The following TENM1 variants were observed in gnomAD, a reference collection of about 807,000 sequenced individuals.
TENM1 encodes the protein teneurin transmembrane protein 1.
In TENM1, 35 loss-of-function variants were observed where a neutral mutation model predicts 174.8. The observed-to-expected ratio is 0.20, with a 90% CI of 0.15 to 0.27. The LOEUF is 0.27. Among genes scored for constraint, TENM1 ranks in the 10% least tolerant of loss-of-function variants. The pLI is 1.00. For missense variants in TENM1, 1,633 were observed against 2,130.1 expected (o/e 0.77, Z 4.59); for synonymous variants, 781 against 798.7 (o/e 0.98, Z 0.37).
At chrX:124,826,237 C>T (rs2056157542) in intron 3 of TENM1, among the ~76,000 whole-genome samples, 1 of 109,778 alleles carries the variant, frequency 9.1e-6, no homozygotes, top group Admixed American at 9.8e-5. Context: ...TGGAGAAACC[C>T]GTCTCTATTA....
intron 23 of TENM1, among the ~76,000 whole-genome samples, chrX:124,437,253 C>T (rs747677372): frequency 2.8e-5 from 3 of 109,076 alleles, no homozygotes; most frequent in African/African-American, 1.0e-4. Flanking sequence ...CGCCCAGCCT[C>T]TGACTGCATC....
chrX:124,749,209 G>A (rs1446740917), intron 3 of TENM1, among the ~76,000 whole-genome samples: 1 of 111,029 alleles, frequency 9.0e-6, no homozygotes, highest in Non-Finnish European at 1.9e-5. Context: ...ACTCTCTATT[G>A]ATCAGCTTCT....
chrX:124,922,563 T>C (rs1219794053), intron 1 of TENM1, among the ~76,000 whole-genome samples: 1 of 110,817 alleles, frequency 9.0e-6, no homozygotes, highest in Non-Finnish European at 1.9e-5. Flanking sequence ...TCAATATTTC[T>C]TTAAATTCAG....
chrX:124,766,430 G>C (rs933615920), intron 3 of TENM1, among the ~76,000 whole-genome samples: 8 of 111,279 alleles, frequency 7.2e-5, no homozygotes, highest in Non-Finnish European at 1.1e-4. Context: ...TGAAACTTTT[G>C]TTTCAGTTTT....
At chrX:124,387,026 A>T (rs2060227368) in intron 28 of TENM1, among the ~76,000 whole-genome samples, 1 of 107,059 alleles carries the variant, frequency 9.3e-6, no homozygotes, top group Non-Finnish European at 1.9e-5. Context: ...GCATTTCACA[A>T]ATTAATTTAT....
the TENM1 span, among the ~76,000 whole-genome samples, chrX:125,064,177 G>A: frequency 9.3e-6 from 1 of 107,909 alleles, no homozygotes; most frequent in African/African-American, 3.4e-5. Context: ...GGGCAGGGGG[G>A]AGGGATAGCA....
At chrX:125,055,398 T>C in the TENM1 span, among the ~76,000 whole-genome samples, 5 of 111,319 alleles carry the variant, frequency 4.5e-5, no homozygotes, top group Non-Finnish European at 9.4e-5. Context: ...GTGAAGATAC[T>C]TCTTTTCCAG....
At chrX:124,406,398 C>G (rs772169970) in exon 26 of TENM1, 2 of 1,209,029 alleles carry the variant, frequency 1.7e-6, no homozygotes, top group East Asian at 5.9e-5. Flanking sequence ...GTATCTAGCT[C>G]CACTTTTGTC....
chrX:124,560,346 T>C (rs899583969), intron 14 of TENM1, among the ~76,000 whole-genome samples: 3 of 109,620 alleles, frequency 2.7e-5, no homozygotes, highest in Non-Finnish European at 5.7e-5. Context: ...TATCCTTCTG[T>C]CTCAAAGTAG....
chrX:124,525,053 C>T (rs2047943280), intron 16 of TENM1, among the ~76,000 whole-genome samples: 2 of 111,708 alleles, frequency 1.8e-5, no homozygotes, highest in African/African-American at 3.3e-5. Flanking sequence ...GGGAATCAGA[C>T]TTAATTATGG....
intron 11 of TENM1, among the ~76,000 whole-genome samples, chrX:124,635,641 G>T (rs915052379): frequency 1.8e-5 from 2 of 112,121 alleles, no homozygotes; most frequent in East Asian, 2.8e-4. Flanking sequence ...TTCAAAGGAG[G>T]TTTCATCAAG....
At chrX:124,850,005 T>G (rs2056687805) in intron 3 of TENM1, among the ~76,000 whole-genome samples, 1 of 111,915 alleles carries the variant, frequency 8.9e-6, no homozygotes, top group South Asian at 3.7e-4. Flanking sequence ...ACTACTCCTG[T>G]GAAGTGGCCA....
At chrX:124,855,948 A>G (rs2056807458) in intron 3 of TENM1, among the ~76,000 whole-genome samples, 1 of 111,292 alleles carries the variant, frequency 9.0e-6, no homozygotes, top group African/African-American at 3.3e-5. Flanking sequence ...AAAGTCAGCA[A>G]TGAAGTCACC....
chrX:124,962,666 A>G (rs933187838), intron 1 of TENM1, among the ~76,000 whole-genome samples: 1 of 110,531 alleles, frequency 9.0e-6, no homozygotes, highest in Admixed American at 9.7e-5. Context: ...AAAAATACAA[A>G]ACGTAGCTGA....
At chrX:124,963,503 T>C (rs2058685459) in intron 1 of TENM1, 34 bp downstream of exon 4, 2 of 1,111,506 alleles carry the variant, frequency 1.8e-6, no homozygotes, top group Non-Finnish European at 2.5e-6. Context: ...TAATGAGAAA[T>C]AATATTTGTT....
At chrX:124,885,811 C>T (rs999339057) in intron 3 of TENM1, among the ~76,000 whole-genome samples, 1 of 111,269 alleles carries the variant, frequency 9.0e-6, no homozygotes, top group African/African-American at 3.3e-5. Flanking sequence ...TTCCCCTTTT[C>T]TCTAAAGATA....
At chrX:125,157,399 C>T in the TENM1 span, among the ~76,000 whole-genome samples, 4 of 111,996 alleles carry the variant, frequency 3.6e-5, no homozygotes, top group South Asian at 3.7e-4. Flanking sequence ...GTGTCAGCAC[C>T]GAGTTACTAC....
At position 124,398,715 on chromosome X, in the gene TENM1, C is replaced by T. The variant is rs1452889070; in HGVS notation, c.5391+6316G>A. Among the ~76,000 whole-genome samples, 3 of 110,718 alleles carry T rather than the reference C, an allele frequency of 2.7e-5. No individual in the cohort carries two copies. In the Admixed American group the frequency reaches 2.9e-4, roughly 11 times the overall value. Reference sequence around the variant, plus strand: ...GATAGTTTACACACAGTAGGAGTCACCAATTTTAAGCGTACAATTTAATGA... The same window carrying T: ...GATAGTTTACACACAGTAGGAGTCATCAATTTTAAGCGTACAATTTAATGA... On this transcript the variant is annotated intron_variant, in intron 27 of 31. Transcript: ENST00000422452.
intron 3 of TENM1, among the ~76,000 whole-genome samples, chrX:124,857,513 A>C (rs2056836148): frequency 9.0e-6 from 1 of 111,685 alleles, no homozygotes; most frequent in African/African-American, 3.2e-5. Flanking sequence ...ATATGATTTA[A>C]TTTGTATGAC....
Sources: allele counts gnomAD v4.1 joint callset (sites outside exome capture counted in the v4.1 genomes callset), GRCh38; gene constraint gnomAD v4.1.1; transcripts MANE v1.5; gene names NCBI Gene and HGNC (gene_info 2026-07-23, HGNC 2026-07-21).